The following MAP3K9 variants were observed in gnomAD, a reference collection of about 807,000 sequenced individuals.
The protein encoded by MAP3K9 is mitogen-activated protein kinase kinase kinase 9, also known as mixed lineage kinase 1 (tyr and ser/thr specificity).
In MAP3K9, 46 loss-of-function variants were observed where a neutral mutation model predicts 95.8. The ratio of observed to expected loss-of-function variants is 0.48; its 90% CI spans 0.38 to 0.61. The LOEUF (loss-of-function observed/expected upper bound fraction) is 0.61, where lower values mean the gene tolerates loss of function less well. MAP3K9 is among the 20% of genes least tolerant of loss of function. The probability of loss-of-function intolerance (pLI) is 0.00; values close to 1 mark genes in which losing one functional copy is unlikely to be tolerated. For missense variants in MAP3K9, 1,296 were observed against 1,474.3 expected, an observed-to-expected ratio of 0.88 and a Z score of 1.98; for synonymous variants, 533 against 593.8, an observed-to-expected ratio of 0.90 and a Z score of 1.49.
intron 2 of MAP3K9, among the ~76,000 whole-genome samples, chr14:70,780,896 G>T (rs2139825285): frequency 6.6e-6 from 1 of 152,354 alleles, no homozygotes; most frequent in African/African-American, 2.4e-5. Context: ...TCAACAGAAA[G>T]CAGTTCTTTC....
rs527472281 is a variant in MAP3K9, at chr14:70,773,171, T to C, written c.821-11989A>G. On this transcript the variant is annotated intron_variant, in intron 2 of 11. Transcript: ENST00000554752. ...CAATGCTGCAACTATAAGCACGTTATGCAGAAAGCAGTAGGTCATTGCCCC... is the reference window on the plus strand; with the variant it reads ...CAATGCTGCAACTATAAGCACGTTACGCAGAAAGCAGTAGGTCATTGCCCC... Among the ~76,000 whole-genome samples, 6 of 152,334 alleles carry C rather than the reference T, an allele frequency of 3.9e-5. No homozygotes were observed. In the East Asian group the frequency reaches 7.7e-4, roughly 20 times the overall value.
intron 1 of MAP3K9, among the ~76,000 whole-genome samples, chr14:70,808,487 C>A (rs1224469793): frequency 6.6e-6 from 1 of 152,100 alleles, no homozygotes; most frequent in Non-Finnish European, 1.5e-5. Context: ...AATTCTCAGA[C>A]TGGGACTTCA....
chr14:70,781,668 C>T (rs1231584257), intron 2 of MAP3K9, among the ~76,000 whole-genome samples: 2 of 152,212 alleles, frequency 1.3e-5, no homozygotes, highest in Non-Finnish European at 2.9e-5. Flanking sequence ...TAAGGGTTTA[C>T]ACACATAACT....
chr14:70,750,327 A>C (rs1594777931), intron 3 of MAP3K9, among the ~76,000 whole-genome samples: 1 of 152,246 alleles, frequency 6.6e-6, no homozygotes, highest in South Asian at 2.1e-4. Context: ...GACCTTGGGC[A>C]AGGCACTACA....
At chr14:70,794,582 A>C (rs2054841258) in intron 2 of MAP3K9, among the ~76,000 whole-genome samples, 1 of 152,052 alleles carries the variant, frequency 6.6e-6, no homozygotes, top group African/African-American at 2.4e-5. Flanking sequence ...TTAGGCTATT[A>C]TCTAGGGGTA....
chr14:70,763,717 G>C (rs2054406448), intron 2 of MAP3K9, among the ~76,000 whole-genome samples: 1 of 151,844 alleles, frequency 6.6e-6, no homozygotes, highest in Non-Finnish European at 1.5e-5. Context: ...TTTTTGTAGA[G>C]AAGTGGGTCT....
At chr14:70,801,156 G>A in intron 1 of MAP3K9, 76 bp from the exon 2 acceptor site, 1 of 1,386,602 alleles carries the variant, frequency 7.2e-7, no homozygotes, top group Non-Finnish European at 9.8e-7. Flanking sequence ...ATTTACCTGA[G>A]TGGGTAAACA....
In MAP3K9 at chr14:70,730,785, T is replaced by TG. The variant is rs768710532; in HGVS notation, c.2909dup (p.Thr971AsnfsTer68). 6.2e-7 allele frequency: 1 copy of TG among 1,609,780 alleles called. No individual in the cohort carries two copies. ...GCTGAGTGTTCCAGCGCCTTGGGGT[T>TG]GGGGGGAAGACCACATTGGGGTCAG... On this transcript the variant is annotated frameshift_variant, in exon 12 of 12. Coordinates refer to ENST00000554752, the MANE Select transcript of MAP3K9 (RefSeq NM_001284230.2). LOFTEE classifies it high-confidence loss of function.
intron 2 of MAP3K9, chr14:70,783,515 C>A: frequency 1.8e-6 from 1 of 564,256 alleles, no homozygotes; most frequent in Non-Finnish European, 2.2e-6. Context: ...GTTCCAGGAG[C>A]AGCAAAATCC....
Position 70,742,488 on chromosome 14 carries a change from A to G in MAP3K9, c.1430T>C (p.Ile477Thr), listed in dbSNP as rs1423743195. The G allele has an allele frequency of 1.9e-6, 3 of 1,614,026 alleles. No individual in the cohort carries two copies. Among genetic ancestry groups the G allele is most frequent in the African/African-American group, 1.3e-5 (1 of 74,968 alleles). ...GTTGAGCTCCCGTTCCAGGATGTCA[A>G]TCTCCCGCTCGGCCAGCTCCTGCTC... ...RREQELAERE[I>T]DILERELNII... is the part of the protein sequence containing the mutation. Residue 477 changes from isoleucine to threonine, a missense_variant, in exon 6 of 12, where the codon ATT becomes ACT. Physicochemically the swap from Ile to Thr is moderately conservative, Grantham distance 89. Coordinates refer to ENST00000554752, the MANE Select transcript of MAP3K9 (RefSeq NM_001284230.2).
At chr14:70,801,220 C>T (rs1473431882) in intron 1 of MAP3K9, 140 bp from the exon 2 acceptor site, 3 of 754,126 alleles carry the variant, frequency 4.0e-6, no homozygotes, top group Non-Finnish European at 6.3e-6. Context: ...AAAGCAAATT[C>T]CATAAGGGCA....
intron 2 of MAP3K9, among the ~76,000 whole-genome samples, chr14:70,780,168 G>T (rs1012476583): frequency 2.0e-5 from 3 of 152,218 alleles, no homozygotes; most frequent in African/African-American, 7.2e-5. Flanking sequence ...ACCAGCACTG[G>T]AGAAACAACC....
intron 2 of MAP3K9, among the ~76,000 whole-genome samples, chr14:70,776,301 C>T (rs1242441269): frequency 6.6e-6 from 1 of 152,198 alleles, no homozygotes; most frequent in Non-Finnish European, 1.5e-5. Flanking sequence ...GCAGCATCTC[C>T]CCAGGCATAA....
chr14:70,766,816 C>T (rs886398662), intron 2 of MAP3K9, among the ~76,000 whole-genome samples: 1 of 152,180 alleles, frequency 6.6e-6, no homozygotes, highest in African/African-American at 2.4e-5. Context: ...TCTTTAAGCC[C>T]TGCCTCCATT....
intron 2 of MAP3K9, among the ~76,000 whole-genome samples, chr14:70,798,197 T>A (rs1189389248): frequency 1.3e-5 from 2 of 152,096 alleles, no homozygotes; most frequent in East Asian, 3.9e-4. Flanking sequence ...TAAATACAAA[T>A]CTCATAAGAG....
intron 3 of MAP3K9, among the ~76,000 whole-genome samples, chr14:70,759,733 T>C (rs2054345296): frequency 6.6e-6 from 1 of 152,162 alleles, no homozygotes; most frequent in East Asian, 1.9e-4. Context: ...ACCTTTTAAA[T>C]ATACTAAAAA....
chr14:70,787,777 G>A (rs1368933424), intron 2 of MAP3K9, among the ~76,000 whole-genome samples: 1 of 152,066 alleles, frequency 6.6e-6, no homozygotes, highest in Non-Finnish European at 1.5e-5. Flanking sequence ...CAGTAAAAGT[G>A]TTTTGAGTCC....
chr14:70,738,656 C>G (rs2054020226), intron 7 of MAP3K9, among the ~76,000 whole-genome samples: 1 of 152,156 alleles, frequency 6.6e-6, no homozygotes, highest in African/African-American at 2.4e-5. Flanking sequence ...AGAGCTTAGG[C>G]CAGCCAGACA....
intron 7 of MAP3K9, among the ~76,000 whole-genome samples, chr14:70,738,617 T>G (rs992818579): frequency 2.0e-5 from 3 of 152,320 alleles, no homozygotes; most frequent in East Asian, 1.9e-4. Flanking sequence ...GAAACACTTC[T>G]TCAATTTTCA....
Sources: gnomAD v4.1 joint callset for allele counts (sites outside exome capture counted in the v4.1 genomes callset) on GRCh38, gnomAD v4.1.1 for gene constraint, MANE v1.5 for transcripts, NCBI Gene and HGNC (gene_info 2026-07-23, HGNC 2026-07-21) for gene names.